APLP2: variants seen among roughly 807,000 people sequenced by gnomAD.
APLP2 encodes the protein CDEI box-binding protein.
In APLP2, 53 loss-of-function variants were observed where a neutral mutation model predicts 89.9. That is an observed-to-expected ratio of 0.59 (90% CI 0.47 to 0.74). The LOEUF is 0.74. Ranked by LOEUF, APLP2 falls within the 30% of genes least tolerant of loss-of-function variation. APLP2 has a pLI of 0.00. For missense variants in APLP2, 973 were observed against 975.9 expected (o/e 1.00, Z 0.04); for synonymous variants, 372 against 348.6 (o/e 1.07, Z -0.75).
chr11:130,095,490 A>G (rs976858539), intron 1 of APLP2, among the ~76,000 whole-genome samples: 1 of 152,246 alleles, frequency 6.6e-6, no homozygotes, highest in African/African-American at 2.4e-5. Flanking sequence ...TCTGGACTGA[A>G]AAGATACAGA....
intron 16 of APLP2, 122 bp from the exon 17 acceptor site, chr11:130,143,225 G>A: frequency 1.2e-6 from 1 of 848,760 alleles, no homozygotes; most frequent in Non-Finnish European, 2.0e-6. Context: ...TGTCCGGTGG[G>A]AACGGGCTGC....
At chr11:130,091,212 A>T (rs71352178) in intron 1 of APLP2, among the ~76,000 whole-genome samples, 5 of 73,832 alleles carry the variant, frequency 6.8e-5, no homozygotes, top group African/African-American at 2.4e-4. Context: ...CTGGCCGGGC[A>T]GGGGGGCTGA....
chr11:130,118,812 G>A (rs1295221780), intron 3 of APLP2, among the ~76,000 whole-genome samples: 1 of 152,182 alleles, frequency 6.6e-6, no homozygotes, highest in Non-Finnish European at 1.5e-5. Flanking sequence ...TAAGCAGCAT[G>A]TCAGGCTCAC....
At position 130,129,166 on chromosome 11, in the gene APLP2, T is replaced by G. The variant is rs770220687; in HGVS notation, c.1415T>G (p.Leu472Arg). 3 of 1,614,098 alleles carry G rather than the reference T, an allele frequency of 1.9e-6. No homozygotes were observed. The East Asian group carries it at 6.7e-5, about 36-fold the overall frequency. ...AMLNDRRRMA[L>R]ENYLAALQSD... ...CTGAATGACCGCCGTCGGATGGCTCTGGAGAACTACCTGGCTGCCTTGCAG... is the reference window on the plus strand; with the variant it reads ...CTGAATGACCGCCGTCGGATGGCTCGGGAGAACTACCTGGCTGCCTTGCAG... Residue 472 changes from leucine to arginine, a missense_variant, in exon 10 of 17, where the codon CTG (leucine) becomes CGG (arginine). Physicochemically the swap from Leu to Arg is moderately radical, Grantham distance 102. Transcript: ENST00000338167.
At position 130,130,114 on chromosome 11, in the gene APLP2, A is replaced by C; in HGVS notation, c.1532A>C (p.Tyr511Ser). The C allele has an allele frequency of 6.2e-7, 1 of 1,614,264 alleles. No individual in the cohort carries two copies. Among genetic ancestry groups the C allele is most frequent in the Non-Finnish European group, 8.5e-7 (1 of 1,180,050 alleles). The change falls in exon 11 of 17, where the codon TAC becomes TCC. Residue 511 changes from tyrosine (Y) to serine (S), a missense_variant. Tyr to Ser is a moderately radical substitution (Grantham distance 144). Transcript: ENST00000338167. The stretch of plus-strand genomic sequence containing the variant: ...GATCGCTTACATACCATCCGTCATT[A>C]CCAGCATGTGTTGGCTGTTGACCCA... ...NKDRLHTIRH[Y>S]QHVLAVDPEK... is the part of the protein sequence containing the mutation.
intron 3 of APLP2, among the ~76,000 whole-genome samples, chr11:130,120,157 T>C (rs1056753853): frequency 6.6e-6 from 1 of 152,218 alleles, no homozygotes; most frequent in East Asian, 1.9e-4. Flanking sequence ...TTATCAGTGG[T>C]GTTAAATTGG....
intron 3 of APLP2, among the ~76,000 whole-genome samples, chr11:130,120,405 G>A (rs939494308): frequency 8.5e-5 from 13 of 152,166 alleles, no homozygotes; most frequent in Non-Finnish European, 1.5e-4. Flanking sequence ...TGTCTGAGGC[G>A]GGCATGGAGG....
rs190069011 is a variant in APLP2, at chr11:130,070,777, G to A, written c.105+695G>A. 3.6e-6 allele frequency: 5 copies of A among 1,387,928 alleles called. No homozygotes were observed. In the Admixed American group the frequency reaches 8.7e-5, roughly 24 times the overall value. 86.0% of individuals were successfully genotyped at this position (1,387,928 alleles called of 1,614,324 possible). On this transcript the variant is annotated intron_variant, in intron 1 of 16. Coordinates refer to ENST00000338167, the MANE Select transcript of APLP2 (RefSeq NM_001142276.2). ...GTTGACCGCTTTCGTGAGGGTTTCA[G>A]TGAGTAGGGAAGGTGCCCGCGAAGG...
At chr11:130,130,788 A>G (rs929771278) in intron 11 of APLP2, among the ~76,000 whole-genome samples, 1 of 152,210 alleles carries the variant, frequency 6.6e-6, no homozygotes, top group African/African-American at 2.4e-5. Context: ...CATATTGTAA[A>G]TACAGTGCTG....
intron 1 of APLP2, among the ~76,000 whole-genome samples, chr11:130,095,997 T>C (rs1946152543): frequency 6.6e-6 from 1 of 152,184 alleles, no homozygotes. Flanking sequence ...TGCAGATGAA[T>C]GAGCAAGGTC....
At chr11:130,115,384 GTTAT>G (rs1318918517) in intron 3 of APLP2, among the ~76,000 whole-genome samples, 2 of 152,040 alleles carry the variant, frequency 1.3e-5, no homozygotes, top group Non-Finnish European at 2.9e-5. Context: ...AACAACCTTT[GTTAT>G]TTATTCTGAA....
intron 1 of APLP2, among the ~76,000 whole-genome samples, chr11:130,104,156 T>C (rs558285626): frequency 6.6e-6 from 1 of 151,994 alleles, no homozygotes; most frequent in East Asian, 1.9e-4. Context: ...CAATCCAAGT[T>C]TCTAGCCATA....
chr11:130,074,740 C>T (rs1179885767), intron 1 of APLP2, among the ~76,000 whole-genome samples: 3 of 152,146 alleles, frequency 2.0e-5, no homozygotes, highest in African/African-American at 7.2e-5. Flanking sequence ...AGGTCATGTA[C>T]ATAAATTTTA....
chr11:130,114,544 C>T (rs2135857734), intron 3 of APLP2, among the ~76,000 whole-genome samples: 1 of 152,314 alleles, frequency 6.6e-6, no homozygotes. Context: ...GTGGGGGCCC[C>T]GTTATGCTGG....
intron 1 of APLP2, among the ~76,000 whole-genome samples, chr11:130,101,208 G>A (rs577472489): frequency 6.6e-6 from 1 of 152,170 alleles, no homozygotes; most frequent in East Asian, 1.9e-4. Context: ...ATGGAGTCTC[G>A]CTCTGTCGCC....
intron 1 of APLP2, among the ~76,000 whole-genome samples, chr11:130,103,975 C>T (rs1947292489): frequency 6.6e-6 from 1 of 152,120 alleles, no homozygotes; most frequent in Non-Finnish European, 1.5e-5. Context: ...GTAGATTGGG[C>T]TTTTCATATA....
chr11:130,070,989 G>T (rs1243887774), intron 1 of APLP2, among the ~76,000 whole-genome samples: 2 of 152,228 alleles, frequency 1.3e-5, no homozygotes, highest in African/African-American at 4.8e-5. Flanking sequence ...GGCAGCCTTG[G>T]AGGAGCCCTG....
intron 1 of APLP2, chr11:130,070,536 G>C (rs1470259284): frequency 3.9e-6 from 5 of 1,266,018 alleles, no homozygotes; most frequent in Non-Finnish European, 4.0e-6. Flanking sequence ...CCTCGGCTCC[G>C]GGCCTCCCAC....
intron 13 of APLP2, among the ~76,000 whole-genome samples, chr11:130,136,282 C>T (rs946672233): frequency 2.0e-5 from 3 of 152,154 alleles, no homozygotes. Context: ...GAGCCGTCCC[C>T]CTCATCAGTT....
Sources: allele counts gnomAD v4.1 joint callset (sites outside exome capture counted in the v4.1 genomes callset), GRCh38; gene constraint gnomAD v4.1.1; transcripts MANE v1.5; gene names NCBI Gene and HGNC (gene_info 2026-07-23, HGNC 2026-07-21).